Variants in KIF27 observed in about 807,000 individuals in gnomAD.
KIF27 encodes the protein kinesin-like protein KIF27.
A neutral mutation model predicts 141.8 loss-of-function variants in KIF27; 84 were observed. That is an observed-to-expected ratio of 0.59 (90% CI 0.50 to 0.71). KIF27 has a LOEUF of 0.71. Ranked by LOEUF, KIF27 falls within the 30% of genes least tolerant of loss-of-function variation. The pLI is 0.00. For missense variants in KIF27, 1,306 were observed against 1,628.4 expected (o/e 0.80, Z 3.41); for synonymous variants, 471 against 569.5 (o/e 0.83, Z 2.46).
chr9:83,850,052 C>T (rs745899448), intron 16 of KIF27, 47 bp downstream of exon 16: 5 of 1,483,350 alleles, frequency 3.4e-6, no homozygotes, highest in Non-Finnish European at 4.7e-6. Flanking sequence ...CCTTCAGTAC[C>T]CACACCTACA....
chr9:83,846,187 G>A (rs1432275153), intron 16 of KIF27, among the ~76,000 whole-genome samples: 2 of 152,128 alleles, frequency 1.3e-5, no homozygotes, highest in Non-Finnish European at 2.9e-5. Flanking sequence ...GGTGATCAGC[G>A]AGCTACCTGG....
At chr9:83,890,303 T>A (rs7862971) in intron 6 of KIF27, among the ~76,000 whole-genome samples, 1 of 151,988 alleles carries the variant, frequency 6.6e-6, no homozygotes, top group Admixed American at 6.6e-5. Flanking sequence ...GGGCGTAAAG[T>A]TTTTTAGGTG....
chr9:83,843,669 A>C (rs1390603392), intron 16 of KIF27, among the ~76,000 whole-genome samples: 1 of 152,176 alleles, frequency 6.6e-6, no homozygotes, highest in East Asian at 1.9e-4. Flanking sequence ...TGAAATTAGA[A>C]AATTCATGAA....
At chr9:83,858,313 C>T (rs1410128944) in intron 14 of KIF27, 2 of 152,196 alleles carry the variant, frequency 1.3e-5, no homozygotes, top group Non-Finnish European at 2.9e-5. Context: ...TAACTAGCCC[C>T]TATAACTTCC....
intron 16 of KIF27, among the ~76,000 whole-genome samples, chr9:83,849,812 C>T (rs1948327039): frequency 2.0e-5 from 3 of 151,962 alleles, no homozygotes; most frequent in African/African-American, 7.3e-5. Context: ...GAATCAATCC[C>T]ACATTTCTAC....
At chr9:83,901,805 G>A (rs534558807) in intron 4 of KIF27, among the ~76,000 whole-genome samples, 20 of 152,154 alleles carry the variant, frequency 1.3e-4, no homozygotes, top group African/African-American at 4.3e-4. Flanking sequence ...CCTGGGAGGC[G>A]GAGGTTGCAG....
intron 2 of KIF27, among the ~76,000 whole-genome samples, chr9:83,913,453 T>C (rs1204324206): frequency 6.6e-6 from 1 of 152,170 alleles, no homozygotes; most frequent in African/African-American, 2.4e-5. Flanking sequence ...ACTTTTTTTT[T>C]TTTGAGACAG....
intron 13 of KIF27, among the ~76,000 whole-genome samples, chr9:83,860,807 T>A (rs928677188): frequency 1.3e-5 from 2 of 152,168 alleles, no homozygotes; most frequent in African/African-American, 4.8e-5. Context: ...TCCTGAGTCT[T>A]CCTTTTTCAT....
chr9:83,889,421 T>C (rs1952455525), intron 6 of KIF27, among the ~76,000 whole-genome samples, 168 bp from the exon 7 acceptor site: 1 of 152,208 alleles, frequency 6.6e-6, no homozygotes, highest in Non-Finnish European at 1.5e-5. Context: ...AATTTAACAA[T>C]ACTGTTGTGC....
chr9:83,861,523 G>A (rs1354009841), intron 13 of KIF27, among the ~76,000 whole-genome samples: 5 of 152,102 alleles, frequency 3.3e-5, no homozygotes, highest in Non-Finnish European at 7.4e-5. Context: ...CACTTTTTAT[G>A]GCTGCATAGT....
At chr9:83,869,510 C>T (rs1950604719) in intron 12 of KIF27, among the ~76,000 whole-genome samples, 1 of 152,064 alleles carries the variant, frequency 6.6e-6, no homozygotes. Flanking sequence ...CCGAGGCGGG[C>T]AGATCATGAA....
intron 5 of KIF27, among the ~76,000 whole-genome samples, chr9:83,898,365 T>C (rs1337152162): frequency 2.6e-5 from 4 of 152,204 alleles, no homozygotes; most frequent in Non-Finnish European, 4.4e-5. Flanking sequence ...CTGAATAAGC[T>C]ATACTGAATA....
At chr9:83,911,980 C>G (rs1477794961) in intron 2 of KIF27, among the ~76,000 whole-genome samples, 1 of 152,002 alleles carries the variant, frequency 6.6e-6, no homozygotes, top group Non-Finnish European at 1.5e-5. Flanking sequence ...GTTATTATTG[C>G]ATTAACAATT....
In KIF27 at chr9:83,835,042, CTAATTA is replaced by C. The variant is rs1161040150; in HGVS notation, c.*1953_*1958del. 2.0e-5 allele frequency among the ~76,000 whole-genome samples: 3 copies of C among 148,930 alleles called. No individual in the cohort carries two copies. Among genetic ancestry groups the C allele is most frequent in the East Asian group, 2.0e-4 (1 of 5,118 alleles). Reference sequence around the variant, plus strand: ...AAATATGTATTTATTAACAAAGATCCTAATTATAAGTTCCTTGTAAGATTATGTGCT... The same window carrying C: ...AAATATGTATTTATTAACAAAGATCCTAAGTTCCTTGTAAGATTATGTGCT... On this transcript the variant is annotated 3_prime_UTR_variant, in exon 18 of 18. Transcript: ENST00000297814.
chr9:83,912,543 TCA>T (rs1324844975), intron 2 of KIF27, among the ~76,000 whole-genome samples: 1 of 152,176 alleles, frequency 6.6e-6, no homozygotes, highest in African/African-American at 2.4e-5. Context: ...CAGAAATAGT[TCA>T]GTTATTCCCC....
In KIF27 at chr9:83,903,382, TG is replaced by T; in HGVS notation, c.1135del (p.Gln379LysfsTer23). On this transcript the variant is annotated frameshift_variant, in exon 4 of 18. Coordinates refer to ENST00000297814, the MANE Select transcript of KIF27 (RefSeq NM_017576.4). LOFTEE classifies it high-confidence loss of function. ...ALQSQQAGVS[Q>X]TTQINREGSP... ...CCCTTCTCGATTGATCTGGGTAGTT[TG>T]GCTGACACCAGCCTGCTGGCTTTGC... 2 of 1,614,138 alleles carry T rather than the reference TG, an allele frequency of 1.2e-6. No homozygotes were observed. Among genetic ancestry groups the T allele is most frequent in the South Asian group, 2.2e-5 (2 of 91,088 alleles).
At position 83,842,713 on chromosome 9, in the gene KIF27, G is replaced by T. The variant is rs1455984513; in HGVS notation, c.3557-312C>A. 5.3e-5 allele frequency among the ~76,000 whole-genome samples: 8 copies of T among 152,192 alleles called. 1 individual carries two copies. In the South Asian group the frequency reaches 1.7e-3, roughly 32 times the overall value. On this transcript the variant is annotated intron_variant, in intron 16 of 17. Transcript: ENST00000297814. ...GATCTCCTGACCTCGTGATCCGCCC[G>T]CCTCGGCCTCCCAAAGTGCTGGGAT...
chr9:83,908,575 T>A lies in KIF27; in HGVS notation c.376A>T (p.Ser126Cys). Residue 126 changes from serine to cysteine, a missense_variant, in exon 3 of 18, where the codon AGC (serine) becomes TGC (cysteine). This residue lies in a region of KIF27 where 533 missense variants were observed against 565.6 expected (regional missense o/e 0.94). Transcript: ENST00000297814. ...EIFQSISEHP[S>C]IDFNVKVSYI... ...GATACTTTTACATTAAAGTCAATGC[T>A]AGGATGTTCAGAGATGCTTTGAAAT... is the stretch of plus-strand genomic sequence containing the variant. The A allele has an allele frequency of 1.2e-6, 2 of 1,611,768 alleles. No individual in the cohort carries two copies. The highest frequency in any genetic ancestry group is 1.7e-6 in the Non-Finnish European group (2 of 1,178,210).
chr9:83,864,044 G>GATTTAT (rs1471042699), intron 13 of KIF27, among the ~76,000 whole-genome samples: 1 of 151,942 alleles, frequency 6.6e-6, no homozygotes, highest in Non-Finnish European at 1.5e-5. Flanking sequence ...ATTTTTTATT[G>GATTTAT]CGTCTATTTG....
Sources: allele counts gnomAD v4.1 joint callset (sites outside exome capture counted in the v4.1 genomes callset), GRCh38; gene constraint gnomAD v4.1.1; regional missense constraint gnomAD v4.1.1; transcripts MANE v1.5; gene names NCBI Gene and HGNC (gene_info 2026-07-23, HGNC 2026-07-21).